The following MARCHF1 variants were observed in gnomAD, a reference collection of about 807,000 sequenced individuals.
MARCHF1 encodes the protein E3 ubiquitin-protein ligase MARCHF1.
MARCHF1 carries 40 observed loss-of-function variants against 54.2 expected under a neutral mutation model. The ratio of observed to expected loss-of-function variants is 0.74; its 90% CI spans 0.57 to 0.96. The LOEUF is 0.96. MARCHF1 is among the 40% of genes least tolerant of loss of function. The probability of loss-of-function intolerance (pLI) is 0.00; values close to 1 mark genes in which losing one functional copy is unlikely to be tolerated. For synonymous variants in MARCHF1, 236 were observed against 236.3 expected (o/e 1.00, Z 0.01); for missense variants, 586 against 656.5 (o/e 0.89, Z 1.17).
intron 4 of MARCHF1, among the ~76,000 whole-genome samples, chr4:163,705,325 C>G (rs1744918596): frequency 6.6e-6 from 1 of 151,180 alleles, no homozygotes; most frequent in Non-Finnish European, 1.5e-5. Context: ...ACTCCCTACC[C>G]CACCAAAAAA....
At chr4:164,301,576 G>A (rs1190657962) in intron 1 of MARCHF1, among the ~76,000 whole-genome samples, 2 of 152,150 alleles carry the variant, frequency 1.3e-5, no homozygotes, top group Non-Finnish European at 2.9e-5. Flanking sequence ...GCACAAAACT[G>A]TTAGCTAAAC....
intron 5 of MARCHF1, among the ~76,000 whole-genome samples, chr4:163,699,793 T>C (rs1744748175): frequency 6.6e-6 from 1 of 152,160 alleles, no homozygotes; most frequent in South Asian, 2.1e-4. Context: ...AAATTACTTT[T>C]CACTTCCCAA....
chr4:164,376,187 A>G (rs1731185496), intron 1 of MARCHF1, among the ~76,000 whole-genome samples: 1 of 152,242 alleles, frequency 6.6e-6, no homozygotes, highest in Admixed American at 6.5e-5. Context: ...AGTAAAAAAG[A>G]AGGAAGAGAT....
rs924606696 is a variant in MARCHF1, at chr4:164,185,807, CACA to C, written c.-322-74148_-322-74146del. ...AACTAGTCACACACACACACACACA[CACA>C]AAAAAAAAAACATTTCAAGACAATA... On this transcript the variant is annotated intron_variant, in intron 1 of 9. Transcript: ENST00000514618. Among the ~76,000 whole-genome samples, 69 of 43,214 alleles carry C rather than the reference CACA, an allele frequency of 1.6e-3. 1 individual carries two copies. Among genetic ancestry groups the C allele is most frequent in the Admixed American group, 4.6e-3 (24 of 5,172 alleles). The allele number at this position is 43,214 out of a possible 152,430, so 28.4% of individuals were successfully genotyped here.
chr4:164,185,951 T>C (rs57491230), intron 1 of MARCHF1, among the ~76,000 whole-genome samples: 23,733 of 152,090 alleles, frequency 0.16, 2,604 homozygotes, highest in African/African-American at 0.3. Flanking sequence ...TGGAGTGCAG[T>C]GGCGTGACCT....
intron 3 of MARCHF1, among the ~76,000 whole-genome samples, chr4:163,942,253 C>T (rs1034065690): frequency 6.6e-6 from 1 of 152,208 alleles, no homozygotes; most frequent in Non-Finnish European, 1.5e-5. Context: ...TCTCAAAGTA[C>T]ACCAGGTAGC....
At chr4:164,091,410 T>TATA (rs1755296908) in intron 2 of MARCHF1, among the ~76,000 whole-genome samples, 7 of 136,924 alleles carry the variant, frequency 5.1e-5, no homozygotes, top group African/African-American at 1.9e-4. Flanking sequence ...TCACCAAGTT[T>TATA]TATATATATA....
intron 1 of MARCHF1, among the ~76,000 whole-genome samples, chr4:164,187,000 T>C (rs767985340): frequency 2.0e-5 from 3 of 151,354 alleles, no homozygotes; most frequent in African/African-American, 4.9e-5. Flanking sequence ...ATGGTATCAA[T>C]TGCCTTCAAC....
chr4:164,374,244 C>T lies in MARCHF1; in HGVS notation c.-323+9626G>A, dbSNP rs530543438. 1.0e-4 allele frequency among the ~76,000 whole-genome samples: 15 copies of T among 149,342 alleles called. No individual in the cohort carries two copies. In the East Asian group the frequency reaches 3.2e-3, roughly 32 times the overall value. ...AAAACTAATTAGATTTAACAGACGTCAACATTTTTTTAAGTTTTGCTTTAA... is the reference window on the plus strand; with the variant it reads ...AAAACTAATTAGATTTAACAGACGTTAACATTTTTTTAAGTTTTGCTTTAA... On this transcript the variant is annotated intron_variant, in intron 1 of 9. Coordinates refer to ENST00000514618, the MANE Select transcript of MARCHF1 (RefSeq NM_001394959.1).
intron 5 of MARCHF1, among the ~76,000 whole-genome samples, chr4:163,617,252 G>C (rs945034390): frequency 6.6e-6 from 1 of 152,076 alleles, no homozygotes; most frequent in Non-Finnish European, 1.5e-5. Flanking sequence ...GCAAGGATAG[G>C]GAAAAGTTAG....
chr4:164,256,088 G>T (rs1180049814), intron 1 of MARCHF1, among the ~76,000 whole-genome samples: 1 of 151,404 alleles, frequency 6.6e-6, no homozygotes, highest in Non-Finnish European at 1.5e-5. Context: ...GCTAGAAATT[G>T]GTGACCAGCC....
At chr4:164,335,581 CAAAAA>C (rs34889741) in intron 1 of MARCHF1, among the ~76,000 whole-genome samples, 18 of 121,720 alleles carry the variant, frequency 1.5e-4, no homozygotes, top group Admixed American at 2.4e-4. Flanking sequence ...GACTCCATCT[CAAAAA>C]AAAAAAAAAA....
chr4:164,003,683 T>C (rs1275600162), intron 2 of MARCHF1, among the ~76,000 whole-genome samples: 2 of 152,112 alleles, frequency 1.3e-5, no homozygotes, highest in Non-Finnish European at 2.9e-5. Flanking sequence ...TTTACACTGC[T>C]AGTAGGAATG....
rs1752861022 is a variant in MARCHF1, at chr4:163,986,246, C to CTTTTTTTTT, written c.-39+2254_-39+2255insAAAAAAAAA. Among the ~76,000 whole-genome samples the CTTTTTTTTT allele has an allele frequency of 2.3e-4, 17 of 73,756 alleles. 3 individuals carry two copies. Among genetic ancestry groups the CTTTTTTTTT allele is most frequent in the African/African-American group, 4.5e-4 (10 of 22,124 alleles). The allele number at this position is 73,756 out of a possible 152,430, so 48.4% of individuals were successfully genotyped here. On this transcript the variant is annotated intron_variant, in intron 3 of 9. Transcript: ENST00000514618. ...CCTTTCCTTTTCTCCTAATTAACCT[C>CTTTTTTTTT]TTCTTTTTTTTTTTTTTTTTTTTTT...
chr4:164,088,875 TA>T (rs1223298950), intron 2 of MARCHF1, among the ~76,000 whole-genome samples: 1 of 152,250 alleles, frequency 6.6e-6, no homozygotes, highest in East Asian at 1.9e-4. Context: ...CAATAGGGAT[TA>T]TTTTCTTTAA....
chr4:164,337,503 A>G (rs1729772891), intron 1 of MARCHF1, among the ~76,000 whole-genome samples: 1 of 152,172 alleles, frequency 6.6e-6, no homozygotes, highest in South Asian at 2.1e-4. Context: ...CACCCAAAAT[A>G]CTAAGATGAT....
At chr4:164,020,714 G>A (rs1485257641) in intron 2 of MARCHF1, among the ~76,000 whole-genome samples, 1 of 152,092 alleles carries the variant, frequency 6.6e-6, no homozygotes. Flanking sequence ...GTAGATTGCT[G>A]GAGCTCAGGA....
At chr4:163,709,483 A>T (rs1387633869) in intron 4 of MARCHF1, among the ~76,000 whole-genome samples, 1 of 152,192 alleles carries the variant, frequency 6.6e-6, no homozygotes, top group African/African-American at 2.4e-5. Flanking sequence ...ACAATAGAAC[A>T]TCTAATTAAG....
chr4:163,915,378 C>A (rs1198756265), intron 3 of MARCHF1, among the ~76,000 whole-genome samples: 1 of 152,034 alleles, frequency 6.6e-6, no homozygotes, highest in Non-Finnish European at 1.5e-5. Context: ...GGCATCCTAA[C>A]AGTCATCCTT....
Sources: allele counts gnomAD v4.1 joint callset (sites outside exome capture counted in the v4.1 genomes callset), GRCh38; gene constraint gnomAD v4.1.1; transcripts MANE v1.5; gene names NCBI Gene and HGNC (gene_info 2026-07-23, HGNC 2026-07-21).